GAPVD1: variants seen among roughly 807,000 people sequenced by gnomAD.
GAPVD1 encodes the protein GTPase activating protein and VPS9 domains 1.
GAPVD1 carries 35 observed loss-of-function variants against 155.5 expected under a neutral mutation model. The ratio of observed to expected loss-of-function variants is 0.23; its 90% CI spans 0.17 to 0.30. The LOEUF (loss-of-function observed/expected upper bound fraction) is 0.30, where lower values mean the gene tolerates loss of function less well. Among genes scored for constraint, GAPVD1 ranks in the 10% least tolerant of loss-of-function variants. GAPVD1 has a pLI of 1.00. For synonymous variants in GAPVD1, 636 were observed against 619.7 expected, an observed-to-expected ratio of 1.03 and a Z score of -0.39; for missense variants, 1,429 against 1,775.7, an observed-to-expected ratio of 0.80 and a Z score of 3.51.
intron 23 of GAPVD1, among the ~76,000 whole-genome samples, chr9:125,352,158 A>G (rs1017867992): frequency 6.6e-6 from 1 of 152,136 alleles, no homozygotes; most frequent in East Asian, 1.9e-4. Flanking sequence ...CACGGTGCAA[A>G]CTGTCAGTGG....
chr9:125,300,023 G>GAAAA (rs1175810085), intron 4 of GAPVD1, among the ~76,000 whole-genome samples: 1 of 666 alleles, frequency 1.5e-3, no homozygotes, highest in Non-Finnish European at 6.9e-3. Context: ...TGTCTCAAAA[G>GAAAA]AAAAAAAAAA....
intron 18 of GAPVD1, chr9:125,341,611 T>G (rs1303940288): frequency 5.7e-6 from 1 of 175,466 alleles, no homozygotes; most frequent in East Asian, 1.6e-4. Context: ...AATTAAACAT[T>G]GAAAACTCAT....
At chr9:125,347,869 G>T (rs189738510) in intron 20 of GAPVD1, among the ~76,000 whole-genome samples, 7 of 152,292 alleles carry the variant, frequency 4.6e-5, no homozygotes, top group African/African-American at 1.7e-4. Context: ...CAGAGGGAGA[G>T]TGGGCAGAAA....
chr9:125,298,242 G>A (rs989516118), intron 3 of GAPVD1, among the ~76,000 whole-genome samples: 4 of 152,132 alleles, frequency 2.6e-5, no homozygotes, highest in African/African-American at 9.7e-5. Context: ...TATTTTGATT[G>A]TGATTAGAAA....
chr9:125,354,014 A>G (rs921719455), intron 23 of GAPVD1, among the ~76,000 whole-genome samples: 3 of 152,320 alleles, frequency 2.0e-5, no homozygotes, highest in Non-Finnish European at 2.9e-5. Flanking sequence ...CTAGAATATC[A>G]TATTTCTTTT....
At chr9:125,360,503 G>T in intron 26 of GAPVD1, 25 bp from the exon 27 acceptor site, 2 of 1,595,480 alleles carry the variant, frequency 1.3e-6, no homozygotes. Flanking sequence ...TTCAGAATCT[G>T]TATATTGTCT....
At chr9:125,353,882 T>TAAA (rs1321260813) in intron 23 of GAPVD1, among the ~76,000 whole-genome samples, 2 of 152,190 alleles carry the variant, frequency 1.3e-5, no homozygotes, top group African/African-American at 4.8e-5. Flanking sequence ...AAGCAACATA[T>TAAA]TTGGATATTT....
At chr9:125,265,037 G>C (rs1833631448) in intron 1 of GAPVD1, among the ~76,000 whole-genome samples, 1 of 152,058 alleles carries the variant, frequency 6.6e-6, no homozygotes, top group African/African-American at 2.4e-5. Context: ...TTTTTTAAAA[G>C]ACAAAAAATT....
intron 13 of GAPVD1, 50 bp from the exon 14 acceptor site, chr9:125,331,876 G>A: frequency 6.3e-7 from 1 of 1,576,128 alleles, no homozygotes; most frequent in Non-Finnish European, 8.7e-7. Context: ...CTGAAATTGT[G>A]GTGTGCTAAG....
intron 2 of GAPVD1, among the ~76,000 whole-genome samples, chr9:125,291,153 A>G (rs1436038623): frequency 6.6e-6 from 1 of 151,962 alleles, no homozygotes; most frequent in Non-Finnish European, 1.5e-5. Context: ...GCTGGGTGTG[A>G]TGGCACACAC....
At chr9:125,276,710 G>T (rs1278861182) in intron 2 of GAPVD1, among the ~76,000 whole-genome samples, 2 of 152,094 alleles carry the variant, frequency 1.3e-5, no homozygotes, top group African/African-American at 4.8e-5. Flanking sequence ...AGAAATTTCA[G>T]ATATGCTCAT....
chr9:125,342,263 G>A lies in GAPVD1; in HGVS notation c.3010G>A (p.Asp1004Asn). The A allele has an allele frequency of 6.2e-7, 1 of 1,601,528 alleles. No homozygotes were observed. Among genetic ancestry groups the A allele is most frequent in the Non-Finnish European group, 8.6e-7 (1 of 1,168,612 alleles). ...RKKEKQEKDK[D>N]DLGPDRFSTL... ...GAAAGAAAAACAAGAAAAAGACAAAGATGATCTGGGGCCTGACAGATTCTC... is the reference window on the plus strand; with the variant it reads ...GAAAGAAAAACAAGAAAAAGACAAAAATGATCTGGGGCCTGACAGATTCTC... The change falls in exon 19 of 28, where the codon GAT (aspartate) becomes AAT (asparagine). Residue 1004 changes from aspartate to asparagine, a missense_variant. By Grantham distance (23) the Asp-to-Asn change is conservative (BLOSUM62 1). Around this residue, in one of 4 missense-constraint regions of GAPVD1, gnomAD observed 699 missense variants for 826.0 expected, o/e 0.85. Transcript: ENST00000297933.
At chr9:125,302,886 G>C (rs943357493) in intron 5 of GAPVD1, 60 bp downstream of exon 5, 103 of 1,525,756 alleles carry the variant, frequency 6.8e-5, no homozygotes, top group Non-Finnish European at 6.2e-5. Flanking sequence ...TGATTGGGCT[G>C]TGGGGGTGGG....
chr9:125,339,804 G>A (rs1446429538), intron 17 of GAPVD1, among the ~76,000 whole-genome samples: 1 of 152,050 alleles, frequency 6.6e-6, no homozygotes, highest in Admixed American at 6.6e-5. Context: ...TTCTTCATGG[G>A]CATATTTATT....
intron 5 of GAPVD1, among the ~76,000 whole-genome samples, chr9:125,303,111 G>GA (rs1564341822): frequency 5.9e-5 from 9 of 152,032 alleles, no homozygotes; most frequent in Non-Finnish European, 8.8e-5. Flanking sequence ...TGCAACCTCC[G>GA]CCTCCCGGGT....
Position 125,349,445 on chromosome 9 carries a change from G to GAAC in GAPVD1, c.3227_3229dup (p.Asn1076dup). The GAAC allele has an allele frequency of 6.2e-7, 1 of 1,613,934 alleles. No individual in the cohort carries two copies. The highest frequency in any genetic ancestry group is 2.2e-5 in the East Asian group (1 of 44,874). ...ATTCTCCCCGTGACGAAGCACTGCA[G>GAAC]AACATCTCGGCTGATGATCTCCCAG... On this transcript the variant is annotated inframe_insertion, in exon 21 of 28. Coordinates refer to ENST00000297933, the MANE Select transcript of GAPVD1 (RefSeq NM_001282680.3).
chr9:125,346,984 A>G, intron 20 of GAPVD1, 43 bp downstream of exon 20: 1 of 1,597,320 alleles, frequency 6.3e-7, no homozygotes, highest in South Asian at 1.1e-5. Flanking sequence ...CTTTTATATC[A>G]TAGTGATAAA....
At chr9:125,263,225 G>A (rs1833239005) in intron 1 of GAPVD1, among the ~76,000 whole-genome samples, 1 of 152,172 alleles carries the variant, frequency 6.6e-6, no homozygotes, top group Non-Finnish European at 1.5e-5. Context: ...CGAGGCGGGC[G>A]GATCATTGAG....
rs765894446 is a variant in GAPVD1, at chr9:125,298,969, A to G, written c.48A>G (p.Glu16=). 3 of 1,612,194 alleles carry G rather than the reference A, an allele frequency of 1.9e-6. No homozygotes were observed. The highest frequency in any genetic ancestry group is 2.5e-6 in the Non-Finnish European group (3 of 1,178,894). The stretch of plus-strand genomic sequence containing the variant: ...CTCTGGCTCATCACCTCAAGCAGGA[A>G]CGCTTATATGTAAACTCTGAGAAAC... The part of the protein sequence containing the change: ...IHTLAHHLKQ[E]RLYVNSEKQL... Residue 16 remains glutamate, a synonymous_variant, in exon 4 of 28, where the codon GAA becomes GAG. Coordinates refer to ENST00000297933, the MANE Select transcript of GAPVD1 (RefSeq NM_001282680.3).
Sources: gnomAD v4.1 joint callset for allele counts (sites outside exome capture counted in the v4.1 genomes callset) on GRCh38, gnomAD v4.1.1 for gene constraint, gnomAD v4.1.1 regional missense constraint, MANE v1.5 for transcripts, NCBI Gene and HGNC (gene_info 2026-07-23, HGNC 2026-07-21) for gene names.